The following COPS4 variants were observed in gnomAD, a reference collection of about 807,000 sequenced individuals.
COPS4 encodes COP9 signalosome subunit 4.
COPS4 carries 8 observed loss-of-function variants against 55.1 expected under a neutral mutation model. That is an observed-to-expected ratio of 0.15 (90% confidence interval 0.09 to 0.26). COPS4 has a LOEUF of 0.26. Ranked by LOEUF, COPS4 falls within the 10% of genes least tolerant of loss-of-function variation. The pLI is 1.00. For synonymous variants in COPS4, 185 were observed against 165.7 expected, an observed-to-expected ratio of 1.12 and a Z score of -0.90; for missense variants, 248 against 484.0, an observed-to-expected ratio of 0.51 and a Z score of 4.58.
chr4:83,053,065 A>C (rs777762415), intron 4 of COPS4, among the ~76,000 whole-genome samples: 3 of 152,206 alleles, frequency 2.0e-5, no homozygotes, highest in Non-Finnish European at 2.9e-5. Context: ...GAAGATCATA[A>C]TGATTAAAAT....
intron 6 of COPS4, among the ~76,000 whole-genome samples, chr4:83,061,323 C>A (rs577008872): frequency 6.6e-6 from 1 of 152,186 alleles, no homozygotes; most frequent in African/African-American, 2.4e-5. Flanking sequence ...ATTGCCAACA[C>A]CCCTCCTTCT....
chr4:83,049,319 TA>T lies in COPS4; in HGVS notation c.306+7del. On this transcript the variant is annotated splice_donor_region_variant and intron_variant, in intron 3 of 9. Transcript: ENST00000264389. ...AGAGTCATTTCATTTGAGGAGCAGG[TA>T]AAAATCTAGAGAAGTGGTTTTTTAA... 1.3e-6 allele frequency: 2 copies of T among 1,574,266 alleles called. No homozygotes were observed. Among genetic ancestry groups the T allele is most frequent in the Non-Finnish European group, 8.6e-7 (1 of 1,167,624 alleles).
intron 2 of COPS4, among the ~76,000 whole-genome samples, chr4:83,047,355 A>G (rs1412963832): frequency 6.6e-6 from 1 of 152,156 alleles, no homozygotes; most frequent in East Asian, 1.9e-4. Flanking sequence ...GGAGTTCAAA[A>G]CCAGCCTGGG....
chr4:83,075,270 A>C (rs1446435116), intron 9 of COPS4, 27 bp from the exon 10 acceptor site: 8 of 1,609,292 alleles, frequency 5.0e-6, no homozygotes, highest in Non-Finnish European at 5.9e-6. Context: ...GAATAATTTT[A>C]ATTTTGTACA....
intron 5 of COPS4, 55 bp from the exon 6 acceptor site, chr4:83,057,199 TTTTG>T (rs1731035024): frequency 4.5e-6 from 7 of 1,539,108 alleles, no homozygotes; most frequent in Non-Finnish European, 6.2e-6. Flanking sequence ...TTTTGTTTTG[TTTTG>T]TTTAACTCTT....
In COPS4 at chr4:83,068,084, T is replaced by C. The variant is rs115280143; in HGVS notation, c.1003-354T>C. On this transcript the variant is annotated intron_variant, in intron 8 of 9. Transcript: ENST00000264389. ...AAAGAGTTTCTGGGGTAGCAAATAC[T>C]GTGGAAATTGAAATAAAATAAGAAA... Among the ~76,000 whole-genome samples the C allele has an allele frequency of 7.3e-3, 1,112 of 152,342 alleles. 13 individuals carry two copies. Among genetic ancestry groups the C allele is most frequent in the African/African-American group, 0.025 (1,033 of 41,574 alleles).
chr4:83,061,549 A>G (rs1731164349), intron 6 of COPS4, among the ~76,000 whole-genome samples: 1 of 152,196 alleles, frequency 6.6e-6, no homozygotes, highest in African/African-American at 2.4e-5. Context: ...TGAATATACC[A>G]CAATTCATTT....
At chr4:83,050,035 G>T in intron 4 of COPS4, 51 bp downstream of exon 4, 1 of 1,069,698 alleles carries the variant, frequency 9.3e-7, no homozygotes. Flanking sequence ...GTATATAATT[G>T]CTCACTTATA....
chr4:83,042,645 A>C (rs1730596993), intron 1 of COPS4, among the ~76,000 whole-genome samples: 1 of 151,534 alleles, frequency 6.6e-6, no homozygotes, highest in African/African-American at 2.4e-5. Context: ...TCTGTTGCCC[A>C]GGTTGGAGTT....
chr4:83,049,394 A>G, intron 3 of COPS4, 77 bp downstream of exon 3: 2 of 1,283,948 alleles, frequency 1.6e-6, no homozygotes, highest in Non-Finnish European at 2.1e-6. Flanking sequence ...GTAAATTCTT[A>G]AAGGAGATAA....
At chr4:83,036,261 C>T (rs1212621278) in intron 1 of COPS4, among the ~76,000 whole-genome samples, 1 of 7,158 alleles carries the variant, frequency 1.4e-4, no homozygotes, top group Non-Finnish European at 3.3e-4. Flanking sequence ...TAGTGAGACC[C>T]CCCCCCCCGC....
rs146149758 is a variant in COPS4 at position 83,049,871 on chromosome 4, A to G, written c.307-10A>G. 378 of 1,504,348 alleles carry G rather than the reference A, an allele frequency of 2.5e-4. 1 individual carries two copies. In the East Asian group the frequency reaches 7.3e-3, roughly 29 times the overall value. 93.2% of individuals were successfully genotyped at this position (1,504,348 alleles called of 1,614,324 possible). A position where few individuals can be genotyped will look rare whatever the true frequency, so the allele number is the denominator to read the frequency against. On this transcript the variant is annotated splice_polypyrimidine_tract_variant and intron_variant, in intron 3 of 9. Coordinates refer to ENST00000264389, the MANE Select transcript of COPS4 (RefSeq NM_016129.3). ...TTGAAATAATTTGACATGTATACCT[A>G]TTATTCCAGGTTGCTTCCATAAGAC...
At chr4:83,039,214 C>T (rs900255741) in intron 1 of COPS4, among the ~76,000 whole-genome samples, 17 of 152,076 alleles carry the variant, frequency 1.1e-4, no homozygotes, top group African/African-American at 4.1e-4. Context: ...GCCAGCCAGG[C>T]CAGGTAGGCA....
At chr4:83,035,400 C>G in intron 1 of COPS4, 102 bp downstream of exon 1, 1 of 1,002,192 alleles carries the variant, frequency 1.0e-6, no homozygotes. Context: ...AAGCTAGGAG[C>G]CGGCCTGACG....
intron 1 of COPS4, among the ~76,000 whole-genome samples, chr4:83,041,886 A>G (rs1202157694): frequency 7.1e-6 from 1 of 141,790 alleles, no homozygotes; most frequent in Non-Finnish European, 1.5e-5. Context: ...TTTTTTTGAG[A>G]TAGAATTTCG....
At chr4:83,060,295 T>C (rs1210698338) in intron 6 of COPS4, among the ~76,000 whole-genome samples, 1 of 148,352 alleles carries the variant, frequency 6.7e-6, no homozygotes, top group Non-Finnish European at 1.5e-5. Flanking sequence ...GCCATTCTCC[T>C]GCCTCAGCCT....
intron 1 of COPS4, among the ~76,000 whole-genome samples, chr4:83,044,399 T>C (rs1384590871): frequency 1.4e-5 from 2 of 140,682 alleles, no homozygotes; most frequent in South Asian, 4.5e-4. Context: ...GAGCCGAGAT[T>C]GCGCCAGTGC....
intron 4 of COPS4, among the ~76,000 whole-genome samples, chr4:83,054,999 G>A: frequency 6.6e-6 from 1 of 152,126 alleles, no homozygotes; most frequent in East Asian, 1.9e-4. Flanking sequence ...AATTGTGAAT[G>A]GAAAAAAGTA....
At position 83,035,229 on chromosome 4, in the gene COPS4, C is replaced by A. The variant is rs1416509062; in HGVS notation, c.5C>A (p.Ala2Glu). 3 of 1,566,332 alleles carry A rather than the reference C, an allele frequency of 1.9e-6. No individual in the cohort carries two copies. Among genetic ancestry groups the A allele is most frequent in the Non-Finnish European group, 2.6e-6 (3 of 1,149,616 alleles). Residue 2 changes from alanine to glutamate, a missense_variant, in exon 1 of 10, where the codon GCG (alanine) becomes GAG (glutamate). By Grantham distance (107) the Ala-to-Glu change is moderately radical. Transcript: ENST00000264389. ...CACCGCTGAGCTGGGAGAAAGATGG[C>A]GGCAGCCGTGCGACAGGATTTGGCC... M[A>E]AAVRQDLAQL... is the part of the protein sequence containing the mutation.
Sources: allele counts gnomAD v4.1 joint callset (sites outside exome capture counted in the v4.1 genomes callset), GRCh38; gene constraint gnomAD v4.1.1; transcripts MANE v1.5; gene names NCBI Gene and HGNC (gene_info 2026-07-23, HGNC 2026-07-21).